NCKAP5: variants seen among roughly 807,000 people sequenced by gnomAD.
NCKAP5 encodes the protein nck-associated protein 5.
Under a neutral mutation model 167.0 loss-of-function variants are expected in NCKAP5, and 92 were observed. That is an observed-to-expected ratio of 0.55 (90% confidence interval 0.47 to 0.66). The LOEUF (loss-of-function observed/expected upper bound fraction) is 0.66. NCKAP5 is among the 30% of genes least tolerant of loss of function. The pLI, the probability that NCKAP5 is intolerant of heterozygous loss-of-function variation, is 0.00. For missense variants in NCKAP5, 2,378 were observed against 2,315.0 expected, an observed-to-expected ratio of 1.03 and a Z score of -0.56; for synonymous variants, 891 against 877.4, an observed-to-expected ratio of 1.02 and a Z score of -0.27.
the NCKAP5 span, among the ~76,000 whole-genome samples, chr2:133,594,642 T>C: frequency 6.6e-6 from 1 of 152,244 alleles, no homozygotes; most frequent in Non-Finnish European, 1.5e-5. Context: ...CTGCTACCCC[T>C]GCTTTCTCAT....
chr2:133,150,241 C>G (rs1465900135), intron 5 of NCKAP5, among the ~76,000 whole-genome samples: 1 of 152,170 alleles, frequency 6.6e-6, no homozygotes, highest in Non-Finnish European at 1.5e-5. Context: ...CATTCTAGCT[C>G]TGTCCTACCC....
intron 8 of NCKAP5, among the ~76,000 whole-genome samples, chr2:132,944,330 T>C (rs1697531793): frequency 6.6e-6 from 1 of 152,192 alleles, no homozygotes; most frequent in Admixed American, 6.5e-5. Context: ...ATTCTAAAAA[T>C]GAGAGATATT....
At chr2:133,036,758 C>T (rs1392842534) in intron 6 of NCKAP5, among the ~76,000 whole-genome samples, 1 of 151,968 alleles carries the variant, frequency 6.6e-6, no homozygotes, top group African/African-American at 2.4e-5. Context: ...ATATCTGAAA[C>T]ATGACAAGGA....
At chr2:132,974,123 G>T (rs2076910242) in intron 7 of NCKAP5, among the ~76,000 whole-genome samples, 1 of 152,092 alleles carries the variant, frequency 6.6e-6, no homozygotes, top group Non-Finnish European at 1.5e-5. Context: ...AGCACTGTAG[G>T]GGGAAAAACT....
intron 3 of NCKAP5, among the ~76,000 whole-genome samples, chr2:133,305,446 T>A (rs1167797985): frequency 6.6e-6 from 1 of 152,230 alleles, no homozygotes; most frequent in Non-Finnish European, 1.5e-5. Flanking sequence ...CATACCATCA[T>A]GACTGCCAAA....
At chr2:133,639,375 T>C in the NCKAP5 span, among the ~76,000 whole-genome samples, 1 of 152,180 alleles carries the variant, frequency 6.6e-6, no homozygotes, top group Non-Finnish European at 1.5e-5. Context: ...AGCAACATTA[T>C]CTGAAACAAG....
chr2:132,919,667 G>C (rs1695156732), intron 8 of NCKAP5, among the ~76,000 whole-genome samples: 2 of 151,566 alleles, frequency 1.3e-5, no homozygotes, highest in South Asian at 4.2e-4. Flanking sequence ...AAGAGACAAA[G>C]GGCAGAAGAA....
intron 8 of NCKAP5, among the ~76,000 whole-genome samples, chr2:132,919,911 G>A (rs1226260183): frequency 6.6e-6 from 1 of 152,108 alleles, no homozygotes; most frequent in Non-Finnish European, 1.5e-5. Context: ...ATGAAGAGAG[G>A]CCAAGTCTTG....
chr2:133,150,300 G>A (rs1264090870), intron 5 of NCKAP5, among the ~76,000 whole-genome samples: 1 of 152,162 alleles, frequency 6.6e-6, no homozygotes, highest in Non-Finnish European at 1.5e-5. Context: ...CTGCCTGTCA[G>A]TCACTAAGTT....
At position 133,289,467 on chromosome 2, in the gene NCKAP5, C is replaced by T. The variant is rs1370117827; in HGVS notation, c.143+13570G>A. Among the ~76,000 whole-genome samples, 9 of 152,102 alleles carry T rather than the reference C, an allele frequency of 5.9e-5. No individual in the cohort carries two copies. In the East Asian group the frequency reaches 7.7e-4, roughly 13 times the overall value. ...CATAAAAAAACTACTTGAAGCCAGG[C>T]GAGGTGGCTCATGTCTGTAATCCTA... On this transcript the variant is annotated intron_variant, in intron 4 of 19. Transcript: ENST00000409261.
chr2:133,605,644 C>T, the NCKAP5 span, among the ~76,000 whole-genome samples: 3 of 152,208 alleles, frequency 2.0e-5, no homozygotes, highest in Non-Finnish European at 4.4e-5. Context: ...GTAAAAGCTT[C>T]TTATGCATAG....
At chr2:133,610,482 A>T in the NCKAP5 span, among the ~76,000 whole-genome samples, 5 of 152,296 alleles carry the variant, frequency 3.3e-5, no homozygotes, top group Admixed American at 2.6e-4. Context: ...CATCTCTTTG[A>T]TCCCCATAAT....
intron 6 of NCKAP5, among the ~76,000 whole-genome samples, chr2:133,030,032 T>C (rs183752069): frequency 6.6e-6 from 1 of 152,346 alleles, no homozygotes; most frequent in East Asian, 1.9e-4. Flanking sequence ...CAGGCACTTG[T>C]AGAAGCTGTT....
chr2:133,614,698 G>C, the NCKAP5 span, among the ~76,000 whole-genome samples: 1 of 152,204 alleles, frequency 6.6e-6, no homozygotes, highest in South Asian at 2.1e-4. Flanking sequence ...GTGACGGGGA[G>C]AACGGAACCA....
Position 132,821,164 on chromosome 2 carries a change from A to G in NCKAP5, c.808-24435T>C, listed in dbSNP as rs370510529. 5.9e-5 allele frequency among the ~76,000 whole-genome samples: 9 copies of G among 152,242 alleles called. No individual in the cohort carries two copies. In the East Asian group the frequency reaches 1.7e-3, roughly 29 times the overall value. ...AATTCACAGATCCTTTGAAAGGAGT[A>G]CTCCACTGCAAATTCCATGAAACAG... is the stretch of plus-strand genomic sequence containing the variant. On this transcript the variant is annotated intron_variant, in intron 11 of 19. Transcript: ENST00000409261.
chr2:132,767,539 T>C (rs748748637), intron 16 of NCKAP5, among the ~76,000 whole-genome samples: 3 of 152,204 alleles, frequency 2.0e-5, no homozygotes, highest in Non-Finnish European at 4.4e-5. Flanking sequence ...CCACCGCGCC[T>C]GGCCTGAGTT....
chr2:132,789,669 G>A (rs1683888488), intron 13 of NCKAP5, among the ~76,000 whole-genome samples: 2 of 152,182 alleles, frequency 1.3e-5, no homozygotes. Flanking sequence ...TCTGCTCAAA[G>A]CACAAAGGTA....
At chr2:133,546,206 A>G (rs1282248721) in intron 2 of NCKAP5, among the ~76,000 whole-genome samples, 1 of 152,138 alleles carries the variant, frequency 6.6e-6, no homozygotes, top group Non-Finnish European at 1.5e-5. Flanking sequence ...ATCCAAGAGG[A>G]AGCCAAAGGT....
At chr2:132,848,845 A>G (rs377589052) in intron 11 of NCKAP5, among the ~76,000 whole-genome samples, 1 of 152,308 alleles carries the variant, frequency 6.6e-6, no homozygotes, top group East Asian at 1.9e-4. Context: ...AAAAGATACA[A>G]TAAAATAAAA....
Sources: gnomAD v4.1 joint callset for allele counts (sites outside exome capture counted in the v4.1 genomes callset) on GRCh38, gnomAD v4.1.1 for gene constraint, MANE v1.5 for transcripts, NCBI Gene and HGNC (gene_info 2026-07-23, HGNC 2026-07-21) for gene names.